The following SOCS2 variants were observed in gnomAD, a reference collection of about 807,000 sequenced individuals.
SOCS2 encodes CIS-2.
SOCS2 carries 10 observed loss-of-function variants against 18.6 expected under a neutral mutation model. That is an observed-to-expected ratio of 0.54 (90% CI 0.33 to 0.91). The LOEUF (loss-of-function observed/expected upper bound fraction) is 0.91. Ranked by LOEUF, SOCS2 falls within the 40% of genes least tolerant of loss-of-function variation. The probability of loss-of-function intolerance (pLI) is 0.02; values close to 1 mark genes in which losing one functional copy is unlikely to be tolerated. For missense variants in SOCS2, 231 were observed against 247.2 expected (o/e 0.93, Z 0.44); for synonymous variants, 104 against 104.0 (o/e 1.00, Z 0.00).
chr12:93,589,082 G>A, the SOCS2 span, among the ~76,000 whole-genome samples: 1 of 152,184 alleles, frequency 6.6e-6, no homozygotes. Flanking sequence ...GTACAGCATG[G>A]TTTAAAACAC....
the SOCS2 span, among the ~76,000 whole-genome samples, chr12:93,616,093 G>T: frequency 1.3e-5 from 2 of 152,208 alleles, no homozygotes; most frequent in Admixed American, 6.5e-5. Context: ...TAGCATTTTG[G>T]CTGGTGCTGA....
At chr12:93,589,182 T>A in the SOCS2 span, among the ~76,000 whole-genome samples, 1 of 152,260 alleles carries the variant, frequency 6.6e-6, no homozygotes, top group Non-Finnish European at 1.5e-5. Flanking sequence ...CCAGCTAGAC[T>A]GCAGATTCTG....
chr12:93,597,833 C>G, the SOCS2 span, among the ~76,000 whole-genome samples: 3 of 152,160 alleles, frequency 2.0e-5, no homozygotes, highest in Non-Finnish European at 2.9e-5. Context: ...GAGATAAACT[C>G]TACCCAAAAG....
At chr12:93,588,054 CA>C (rs1158399050), downstream of SOCS2, among the ~76,000 whole-genome samples, 1 of 152,144 alleles carries the variant, frequency 6.6e-6, no homozygotes, top group Non-Finnish European at 1.5e-5. Flanking sequence ...GCAAGGGACC[CA>C]TGGATAAGAT....
the SOCS2 span, among the ~76,000 whole-genome samples, chr12:93,601,461 A>G: frequency 6.6e-6 from 1 of 151,692 alleles, no homozygotes. Context: ...ACTGGGTTTC[A>G]TCATGTTGGC....
chr12:93,591,241 T>A, the SOCS2 span, among the ~76,000 whole-genome samples: 181 of 120,950 alleles, frequency 1.5e-3, no homozygotes, highest in Non-Finnish European at 2.0e-3. Flanking sequence ...AGGTGTTTTT[T>A]AAAAAAAAAA....
At chr12:93,614,068 T>C in the SOCS2 span, among the ~76,000 whole-genome samples, 1 of 151,618 alleles carries the variant, frequency 6.6e-6, no homozygotes, top group South Asian at 2.1e-4. Context: ...AATGTCAAAC[T>C]TCTAGGTTAA....
the SOCS2 span, among the ~76,000 whole-genome samples, chr12:93,602,166 G>T: frequency 6.6e-6 from 1 of 152,186 alleles, no homozygotes; most frequent in African/African-American, 2.4e-5. Flanking sequence ...GATCACAGCT[G>T]CCTGAAGCCT....
upstream of SOCS2, chr12:93,572,206 GC>G (rs1055956995): frequency 5.3e-5 from 9 of 169,802 alleles, no homozygotes; most frequent in Non-Finnish European, 9.9e-5. The surrounding 1 kb of genome is among the most constrained non-coding windows in gnomAD (Gnocchi z 5.0). Context: ...TCGGGGCCCC[GC>G]AGCGCTTTAG....
At chr12:93,604,191 AC>A in the SOCS2 span, among the ~76,000 whole-genome samples, 2 of 135,976 alleles carry the variant, frequency 1.5e-5, no homozygotes, top group African/African-American at 3.1e-5. Context: ...TCTCAAAAAA[AC>A]AAACAAAACA....
chr12:93,610,315 C>T, the SOCS2 span, among the ~76,000 whole-genome samples: 6 of 152,132 alleles, frequency 3.9e-5, no homozygotes, highest in Admixed American at 6.6e-5. Flanking sequence ...CCCTCAGTCC[C>T]GGGCTAACCT....
the SOCS2 span, among the ~76,000 whole-genome samples, chr12:93,615,414 C>T: frequency 6.6e-6 from 1 of 152,184 alleles, no homozygotes; most frequent in Non-Finnish European, 1.5e-5. Context: ...GGGCAGGGAT[C>T]CTGCAGAGTA....
At chr12:93,577,883 T>C (rs1025979822), downstream of SOCS2, among the ~76,000 whole-genome samples, 6 of 152,224 alleles carry the variant, frequency 3.9e-5, no homozygotes, top group African/African-American at 1.4e-4. Context: ...TACACTTGTC[T>C]AAATTATCCT....
At chr12:93,624,510 T>G in the SOCS2 span, among the ~76,000 whole-genome samples, 1 of 151,780 alleles carries the variant, frequency 6.6e-6, no homozygotes, top group African/African-American at 2.4e-5. Flanking sequence ...AGGCGGAGGT[T>G]GTAGTGAGCC....
intron 1 of SOCS2, chr12:93,574,496 AAG>A (rs1349831142): frequency 1.3e-5 from 5 of 391,848 alleles, no homozygotes; most frequent in Non-Finnish European, 2.2e-5. Context: ...TTAAAAAAGA[AAG>A]AAAACTGGCT....
rs1954440673 is a variant in SOCS2, at chr12:93,575,536, ACTC to A, written c.*361_*363del. ...TCCAGGCTCCAGTAGGAGAGAAAGAACTCCTCATAGGAATACTGAAGAAGTGGG... is the reference window on the plus strand; with the variant it reads ...TCCAGGCTCCAGTAGGAGAGAAAGAACTCATAGGAATACTGAAGAAGTGGG... On this transcript the variant is annotated 3_prime_UTR_variant, in exon 2 of 2. Transcript: ENST00000551556. 1 of 159,880 alleles carries A rather than the reference ACTC, an allele frequency of 6.3e-6. No homozygotes were observed. Among genetic ancestry groups the A allele is most frequent in the African/African-American group, 2.4e-5 (1 of 41,488 alleles). The allele number at this position is 159,880 out of a possible 1,614,324, so 9.9% of individuals were successfully genotyped here.
rs745665725 is a variant in SOCS2, at chr12:93,574,719, C to T, written c.140-3C>T. The T allele has an allele frequency of 1.0e-5, 16 of 1,583,886 alleles. No individual in the cohort carries two copies. The East Asian group carries it at 2.0e-4, about 20-fold the overall frequency. ...TCTTTTTCTTTTTGAACAAAAACCC[C>T]AGGATGGTACTGGGGAAGTATGACT... On this transcript the variant is annotated splice_polypyrimidine_tract_variant and splice_region_variant and intron_variant, in intron 1 of 1. Transcript: ENST00000551556.
At chr12:93,581,020 T>G (rs1349404988), downstream of SOCS2, among the ~76,000 whole-genome samples, 1 of 152,216 alleles carries the variant, frequency 6.6e-6, no homozygotes, top group Non-Finnish European at 1.5e-5. Flanking sequence ...TTTATTTTCC[T>G]TGTCCATCAT....
the SOCS2 span, among the ~76,000 whole-genome samples, chr12:93,609,031 G>A: frequency 4.0e-3 from 613 of 152,034 alleles, 3 homozygotes; most frequent in African/African-American, 0.014. Context: ...AGGCTGAGGC[G>A]GGCAGATAAC....
Sources: allele counts gnomAD v4.1 joint callset (sites outside exome capture counted in the v4.1 genomes callset), GRCh38; gene constraint gnomAD v4.1.1; non-coding constraint Gnocchi (gnomAD v3.1); transcripts MANE v1.5; gene names NCBI Gene and HGNC (gene_info 2026-07-23, HGNC 2026-07-21).